Variants in ARHGDIB observed in about 807,000 individuals in gnomAD.
ARHGDIB encodes the protein Rho GDP dissociation inhibitor beta.
A neutral mutation model predicts 22.6 loss-of-function variants in ARHGDIB; 20 were observed. The observed-to-expected ratio is 0.88, with a 90% CI of 0.62 to 1.28. The LOEUF is 1.28. Ranked by LOEUF, ARHGDIB falls within the 50% of genes most tolerant of loss-of-function variation. The pLI is 0.00. For synonymous variants in ARHGDIB, 114 were observed against 96.1 expected (o/e 1.19, Z -1.09); for missense variants, 254 against 245.4 (o/e 1.04, Z -0.23).
chr12:14,958,316 C>G (rs769464923), intron 1 of ARHGDIB, among the ~76,000 whole-genome samples: 1 of 151,992 alleles, frequency 6.6e-6, no homozygotes, highest in East Asian at 1.9e-4. Context: ...TGAAGGACTA[C>G]GAAAACTTCA....
intron 1 of ARHGDIB, among the ~76,000 whole-genome samples, chr12:14,959,715 A>T (rs2430716): frequency 0.25 from 37,760 of 152,054 alleles, 4,659 homozygotes; most frequent in African/African-American, 0.27. Context: ...GCTCAGAGCT[A>T]ACTTCCCTAG....
chr12:14,945,548 G>T (rs1348269554), intron 4 of ARHGDIB, among the ~76,000 whole-genome samples: 4 of 152,196 alleles, frequency 2.6e-5, no homozygotes, highest in African/African-American at 9.7e-5. Context: ...ACTGACCTGG[G>T]TTGTCTGTTA....
intron 5 of ARHGDIB, among the ~76,000 whole-genome samples, chr12:14,944,442 T>C (rs564812927): frequency 4.6e-4 from 70 of 151,624 alleles, no homozygotes; most frequent in Non-Finnish European, 8.2e-4. Context: ...ACCTGTGAAC[T>C]GCCTTTTTTG....
At chr12:14,947,730 G>A in intron 4 of ARHGDIB, 143 bp downstream of exon 4, 1 of 689,318 alleles carries the variant, frequency 1.5e-6, no homozygotes, top group Non-Finnish European at 2.5e-6. Flanking sequence ...CTCAGGGCTG[G>A]GAAGAGGACA....
At chr12:14,960,694 G>T (rs1386999376) in intron 1 of ARHGDIB, among the ~76,000 whole-genome samples, 3 of 152,076 alleles carry the variant, frequency 2.0e-5, no homozygotes, top group Non-Finnish European at 4.4e-5. Context: ...GTAGAGATGG[G>T]GTTTCACCAT....
chr12:14,947,103 G>A (rs1379456960), intron 4 of ARHGDIB, among the ~76,000 whole-genome samples: 1 of 152,184 alleles, frequency 6.6e-6, no homozygotes, highest in Non-Finnish European at 1.5e-5. Context: ...CCTTGGTGGA[G>A]CCCAGGCCCT....
At chr12:14,950,142 G>T (rs1183868669) in intron 2 of ARHGDIB, among the ~76,000 whole-genome samples, 28 of 152,108 alleles carry the variant, frequency 1.8e-4, no homozygotes, top group Non-Finnish European at 1.5e-5. Context: ...TATGGGTCAG[G>T]TACTCTGCTA....
chr12:14,949,474 C>T (rs1398970102), intron 3 of ARHGDIB, among the ~76,000 whole-genome samples: 1 of 152,140 alleles, frequency 6.6e-6, no homozygotes, highest in Non-Finnish European at 1.5e-5. Flanking sequence ...CTTATAACTT[C>T]AGAAGCACAC....
chr12:14,955,555 T>C (rs1864282574), intron 1 of ARHGDIB, among the ~76,000 whole-genome samples: 1 of 152,236 alleles, frequency 6.6e-6, no homozygotes, highest in African/African-American at 2.4e-5. Flanking sequence ...TCACCCACTT[T>C]TTTTTGTGTG....
chr12:14,942,021 C>G (rs1863871954), downstream of ARHGDIB: 1 of 157,794 alleles, frequency 6.3e-6, no homozygotes, highest in Non-Finnish European at 1.4e-5. Context: ...AAGGTCTCAG[C>G]CAGAACACAC....
In ARHGDIB at chr12:14,958,785, C is replaced by T. The variant is rs114580514; in HGVS notation, c.-13+2752G>A. On this transcript the variant is annotated intron_variant, in intron 1 of 5. Transcript: ENST00000228945. Reference sequence around the variant, plus strand: ...GAAAGCCCAAGTGAATTTTTACCAGCGGTAAAATTCACTCTTTGGCTGTGG... The same window carrying T: ...GAAAGCCCAAGTGAATTTTTACCAGTGGTAAAATTCACTCTTTGGCTGTGG... Among the ~76,000 whole-genome samples, 914 of 152,172 alleles carry T rather than the reference C, an allele frequency of 6.0e-3. 8 individuals are homozygous for T. The highest frequency in any genetic ancestry group is 0.021 in the African/African-American group (890 of 41,514).
chr12:14,953,033 C>G (rs185192218), intron 1 of ARHGDIB, among the ~76,000 whole-genome samples: 4 of 152,318 alleles, frequency 2.6e-5, no homozygotes, highest in African/African-American at 4.8e-5. Flanking sequence ...CACCTTCTAA[C>G]AGTATGACCA....
At chr12:14,955,456 A>T (rs1295893494) in intron 1 of ARHGDIB, among the ~76,000 whole-genome samples, 2 of 152,208 alleles carry the variant, frequency 1.3e-5, no homozygotes, top group Non-Finnish European at 2.9e-5. Context: ...AAAAGTATTT[A>T]TTGTATATAT....
intron 3 of ARHGDIB, 22 bp downstream of exon 3, chr12:14,949,780 C>T: frequency 1.2e-6 from 2 of 1,610,390 alleles, no homozygotes; most frequent in African/African-American, 1.3e-5. Context: ...CCCCTTTGAA[C>T]AGTACAGATG....
At chr12:14,943,400 TG>T (rs1204441341) in intron 5 of ARHGDIB, among the ~76,000 whole-genome samples, 5 of 66,878 alleles carry the variant, frequency 7.5e-5, no homozygotes, top group African/African-American at 2.2e-4. Flanking sequence ...TTGTTGTTGT[TG>T]TTGTTTTTTT....
chr12:14,950,401 T>C (rs1864139934), intron 2 of ARHGDIB, 131 bp downstream of exon 2: 2 of 760,128 alleles, frequency 2.6e-6, no homozygotes, highest in South Asian at 1.8e-5. Flanking sequence ...TCAGCATATA[T>C]AAATTGTGCC....
At chr12:14,948,100 G>GCGTGCA in intron 3 of ARHGDIB, 151 bp from the exon 4 acceptor site, 3 of 436,272 alleles carry the variant, frequency 6.9e-6, no homozygotes, top group East Asian at 3.9e-5. Context: ...TTTAGTCCTT[G>GCGTGCA]CACACACACA....
intron 5 of ARHGDIB, among the ~76,000 whole-genome samples, chr12:14,943,616 G>T (rs551778290): frequency 6.6e-6 from 1 of 152,180 alleles, no homozygotes; most frequent in South Asian, 2.1e-4. Context: ...AACAGATGGT[G>T]ATGAGAATTC....
At chr12:14,944,680 C>A (rs998242996) in intron 5 of ARHGDIB, 96 bp downstream of exon 5, 1 of 1,193,568 alleles carries the variant, frequency 8.4e-7, no homozygotes, top group Non-Finnish European at 1.2e-6. Context: ...TTATTGTATT[C>A]TCATCTGAGT....
Sources: gnomAD v4.1 joint callset for allele counts (sites outside exome capture counted in the v4.1 genomes callset) on GRCh38, gnomAD v4.1.1 for gene constraint, MANE v1.5 for transcripts, NCBI Gene and HGNC (gene_info 2026-07-23, HGNC 2026-07-21) for gene names.